ZHX2: variants seen among roughly 807,000 people sequenced by gnomAD.
The protein encoded by ZHX2 is zinc fingers and homeoboxes 2.
A neutral mutation model predicts 21.9 loss-of-function variants in ZHX2; 6 were observed. That is an observed-to-expected ratio of 0.27 (90% CI 0.15 to 0.54). The LOEUF is 0.54. Ranked by LOEUF, ZHX2 falls within the 20% of genes least tolerant of loss-of-function variation. The probability of loss-of-function intolerance (pLI) is 0.95; values close to 1 mark genes in which losing one functional copy is unlikely to be tolerated. For synonymous variants in ZHX2, 434 were observed against 437.1 expected (o/e 0.99, Z 0.09); for missense variants, 908 against 1,090.7 (o/e 0.83, Z 2.36).
chr8:122,897,297 T>C (rs906879239), intron 2 of ZHX2, among the ~76,000 whole-genome samples: 1 of 152,196 alleles, frequency 6.6e-6, no homozygotes, highest in Non-Finnish European at 1.5e-5. Flanking sequence ...AGTACCTACC[T>C]CATTGGGTTA....
chr8:122,933,151 C>G lies in ZHX2; in HGVS notation c.-219-18141C>G, dbSNP rs769935294. Reference sequence around the variant, plus strand: ...TAAGAACTGCTGAAAAGCCCTGTCTCGCCCTGATCTGTGCCTGGGGAGCAG... The same window carrying G: ...TAAGAACTGCTGAAAAGCCCTGTCTGGCCCTGATCTGTGCCTGGGGAGCAG... On this transcript the variant is annotated intron_variant, in intron 2 of 3. Transcript: ENST00000314393. Among the ~76,000 whole-genome samples the G allele has an allele frequency of 4.7e-4, 71 of 152,146 alleles. 1 individual carries two copies. The highest frequency in any genetic ancestry group is 8.4e-4 in the Non-Finnish European group (57 of 68,028).
intron 3 of ZHX2, among the ~76,000 whole-genome samples, chr8:122,965,502 G>A (rs546882893): frequency 6.6e-6 from 1 of 152,054 alleles, no homozygotes; most frequent in African/African-American, 2.4e-5. Flanking sequence ...TTCCACTGTA[G>A]TCTGAGAGAG....
intron 2 of ZHX2, among the ~76,000 whole-genome samples, chr8:122,879,169 C>T (rs2129765879): frequency 6.6e-6 from 1 of 152,236 alleles, no homozygotes; most frequent in East Asian, 1.9e-4. Flanking sequence ...AAATGGAGGT[C>T]AAATGAAAGA....
chr8:122,967,859 T>A (rs550155307), intron 3 of ZHX2, among the ~76,000 whole-genome samples: 4 of 152,148 alleles, frequency 2.6e-5, no homozygotes, highest in Admixed American at 6.5e-5. Context: ...CCAGGATGAG[T>A]ACTCGGGTTT....
At chr8:122,910,538 G>A (rs1221538434) in intron 2 of ZHX2, among the ~76,000 whole-genome samples, 1 of 152,218 alleles carries the variant, frequency 6.6e-6, no homozygotes, top group Non-Finnish European at 1.5e-5. Flanking sequence ...TGAAGATGCA[G>A]GACCCCTGTT....
chr8:122,813,218 A>G (rs897958464), intron 1 of ZHX2, among the ~76,000 whole-genome samples: 3 of 152,044 alleles, frequency 2.0e-5, no homozygotes, highest in African/African-American at 7.2e-5. Context: ...AAAAAGAAAA[A>G]AAAGAAGTAG....
At chr8:122,829,888 T>C (rs1818334744) in intron 1 of ZHX2, among the ~76,000 whole-genome samples, 1 of 152,174 alleles carries the variant, frequency 6.6e-6, no homozygotes, top group Admixed American at 6.5e-5. Context: ...GATTGTGAAG[T>C]GGAGCCCTGT....
intron 2 of ZHX2, among the ~76,000 whole-genome samples, chr8:122,917,288 C>A (rs926084280): frequency 6.6e-6 from 1 of 152,078 alleles, no homozygotes; most frequent in African/African-American, 2.4e-5. Context: ...GAAACCATTT[C>A]CTGCCCCTGC....
chr8:122,931,321 G>A (rs1820987991), intron 2 of ZHX2, among the ~76,000 whole-genome samples: 1 of 152,088 alleles, frequency 6.6e-6, no homozygotes, highest in African/African-American at 2.4e-5. Flanking sequence ...TAGGCCTCAT[G>A]TTTCTCCCTA....
At chr8:122,833,714 G>A (rs913784678) in intron 1 of ZHX2, among the ~76,000 whole-genome samples, 8 of 152,112 alleles carry the variant, frequency 5.3e-5, no homozygotes, top group Non-Finnish European at 1.0e-4. Flanking sequence ...AAGAGTGAGC[G>A]GGCCGGGCGC....
intron 1 of ZHX2, among the ~76,000 whole-genome samples, chr8:122,796,144 C>T (rs1586575290): frequency 6.7e-6 from 1 of 149,134 alleles, no homozygotes; most frequent in South Asian, 2.1e-4. Context: ...GCACTCCAGC[C>T]TGCACAATGG....
At chr8:122,825,692 TATA>T (rs955830231) in intron 1 of ZHX2, among the ~76,000 whole-genome samples, 17 of 152,306 alleles carry the variant, frequency 1.1e-4, no homozygotes, top group African/African-American at 4.1e-4. Flanking sequence ...GCAAAATGGC[TATA>T]ATATTTGGTA....
chr8:122,952,516 G>A lies in ZHX2; in HGVS notation c.1006G>A (p.Gly336Ser). 1 of 1,614,110 alleles carries A rather than the reference G, an allele frequency of 6.2e-7. No individual in the cohort carries two copies. The highest frequency in any genetic ancestry group is 8.5e-7 in the Non-Finnish European group (1 of 1,180,024). ...GGAGGCCCGGAAGAAGATGTTCAAC[G>A]GCACCATCCAGTCAGTACCCCCGAC... ...VEEARKKMFN[G>S]TIQSVPPTIT... Residue 336 changes from glycine (G) to serine (S), a missense_variant, in exon 3 of 4, where the codon GGC (glycine) becomes AGC (serine). Physicochemically the swap from Gly to Ser is moderately conservative, Grantham distance 56. Around this residue, in one of 4 missense-constraint regions of ZHX2, gnomAD observed 232 missense variants for 361.8 expected, o/e 0.64. Coordinates refer to ENST00000314393, the MANE Select transcript of ZHX2 (RefSeq NM_014943.5). The surrounding 1 kb of genome is among the most constrained non-coding windows in gnomAD (Gnocchi z 6.9).
intron 1 of ZHX2, among the ~76,000 whole-genome samples, chr8:122,785,005 G>A (rs772891806): frequency 6.6e-6 from 1 of 152,214 alleles, no homozygotes; most frequent in African/African-American, 2.4e-5. Flanking sequence ...CACACCCCCT[G>A]CCCTCTAGGA....
intron 1 of ZHX2, among the ~76,000 whole-genome samples, chr8:122,833,512 C>T (rs561528519): frequency 3.9e-5 from 6 of 152,134 alleles, no homozygotes; most frequent in East Asian, 1.9e-4. Flanking sequence ...GAGTTAACTA[C>T]GGGCGGCGGA....
intron 1 of ZHX2, chr8:122,811,934 T>C (rs558408178): frequency 6.6e-6 from 1 of 152,354 alleles, no homozygotes; most frequent in South Asian, 2.1e-4. Context: ...TCTCAGGCTC[T>C]TGGGTTCAAA....
chr8:122,832,552 C>T (rs1021403484), intron 1 of ZHX2, among the ~76,000 whole-genome samples: 2 of 152,134 alleles, frequency 1.3e-5, no homozygotes, highest in African/African-American at 4.8e-5. Flanking sequence ...AGGTGAGAGC[C>T]TTCTGGAGCA....
In ZHX2 at chr8:122,856,634, G is replaced by A. The variant is rs140169225; in HGVS notation, c.-282-6843G>A. On this transcript the variant is annotated intron_variant, in intron 1 of 3. Transcript: ENST00000314393. ...ATCTCTCTCACATCTGCCAGCAGCC[G>A]TGTTGGAGCCAGAGTTCCCTGAGGC... 5.3e-5 allele frequency among the ~76,000 whole-genome samples: 8 copies of A among 152,240 alleles called. No homozygotes were observed. The East Asian group carries it at 5.8e-4, about 11-fold the overall frequency.
At chr8:122,868,063 G>A (rs1819340704) in intron 2 of ZHX2, among the ~76,000 whole-genome samples, 2 of 152,168 alleles carry the variant, frequency 1.3e-5, no homozygotes, top group African/African-American at 2.4e-5. Flanking sequence ...GTGGACGAAT[G>A]TCTTTGTGAC....
Sources: allele counts gnomAD v4.1 joint callset (sites outside exome capture counted in the v4.1 genomes callset), GRCh38; gene constraint gnomAD v4.1.1; regional missense constraint gnomAD v4.1.1; non-coding constraint Gnocchi (gnomAD v3.1); transcripts MANE v1.5; gene names NCBI Gene and HGNC (gene_info 2026-07-23, HGNC 2026-07-21).